TPR: variants seen among roughly 807,000 people sequenced by gnomAD.
The protein encoded by TPR is translocated promoter region, nuclear basket protein.
A neutral mutation model predicts 316.1 loss-of-function variants in TPR; 51 were observed. The ratio of observed to expected loss-of-function variants is 0.16; its 90% CI spans 0.13 to 0.20. TPR has a LOEUF of 0.20. TPR is among the 10% of genes least tolerant of loss of function. TPR has a pLI of 1.00. For missense variants in TPR, 2,272 were observed against 2,754.8 expected (o/e 0.82, Z 3.92); for synonymous variants, 981 against 914.7 (o/e 1.07, Z -1.31).
chr1:186,314,782 A>G, intron 49 of TPR, 58 bp from the exon 50 acceptor site: 1 of 1,145,546 alleles, frequency 8.7e-7, no homozygotes, highest in Non-Finnish European at 1.3e-6. Context: ...AGCATTTATA[A>G]TGATACAAAC....
At chr1:186,351,576 G>A (rs568447519) in intron 19 of TPR, 106 bp from the exon 20 acceptor site, 127 of 1,228,762 alleles carry the variant, frequency 1.0e-4, no homozygotes, top group Non-Finnish European at 1.2e-4. Context: ...ATTTCTACAT[G>A]AAGCAGCTAA....
At chr1:186,331,133 A>G (rs1452623733) in intron 39 of TPR, among the ~76,000 whole-genome samples, 1 of 152,084 alleles carries the variant, frequency 6.6e-6, no homozygotes, top group Non-Finnish European at 1.5e-5. Context: ...TGTAAGGGAA[A>G]TAATACAGGG....
At chr1:186,348,489 T>C (rs1397244122) in intron 21 of TPR, among the ~76,000 whole-genome samples, 3 of 152,058 alleles carry the variant, frequency 2.0e-5, no homozygotes, top group Middle Eastern at 3.2e-3. Context: ...CTTTTGCCCT[T>C]TGCCCTGTGA....
At chr1:186,343,166 CACTAT>C in intron 27 of TPR, 155 bp downstream of exon 27, 1 of 876,830 alleles carries the variant, frequency 1.1e-6, no homozygotes, top group Non-Finnish European at 1.6e-6. Context: ...TACTTTTAAG[CACTAT>C]ACTATATTAG....
Position 186,362,963 on chromosome 1 carries a change from T to C in TPR, c.570A>G (p.Leu190=), listed in dbSNP as rs1274270632. 3 of 1,606,176 alleles carry C rather than the reference T, an allele frequency of 1.9e-6. No homozygotes were observed. Among genetic ancestry groups the C allele is most frequent in the African/African-American group, 1.3e-5 (1 of 74,474 alleles). The change falls in exon 6 of 51, where the codon CTA becomes CTG. Residue 190 remains leucine (L), a synonymous_variant. Transcript: ENST00000367478. ...TATTCAGCCATGTATTCTGACTATG[T>C]AGCAATTCCTTTTCTTGCTCCAAGC... is the stretch of plus-strand genomic sequence containing the variant. ...EKRLEQEKEL[L]HSQNTWLNTE... is the part of the protein sequence containing the mutation.
chr1:186,357,467 G>A lies in TPR; in HGVS notation c.1654C>T (p.Arg552Cys), dbSNP rs373572751. The change falls in exon 14 of 51, where the codon CGT (arginine) becomes TGT (cysteine). Residue 552 changes from arginine (R) to cysteine (C), a missense_variant. Physicochemically the swap from Arg to Cys is radical, Grantham distance 180. Transcript: ENST00000367478. ...NIEELQQQNQRLLVALRELGE... is the reference protein window; with the variant it reads ...NIEELQQQNQCLLVALRELGE... ...AGCTCTCTAAGGGCCACTAAGAGAC[G>A]TTGATTTTGTTGTTGAAGCTCTTCA... 96 of 1,613,850 alleles carry A rather than the reference G, an allele frequency of 5.9e-5. No homozygotes were observed. The highest frequency in any genetic ancestry group is 7.8e-5 in the Non-Finnish European group (92 of 1,180,016).
rs775336228 is a variant in TPR, at chr1:186,359,872, C to T, written c.1316G>A (p.Arg439His). The change falls in exon 12 of 51, where the codon CGC (arginine) becomes CAC (histidine). Residue 439 changes from arginine (R) to histidine (H), a missense_variant. Physicochemically the swap from Arg to His is conservative, Grantham distance 29. Around this residue, in one of 10 missense-constraint regions of TPR, gnomAD observed 549 missense variants for 598.6 expected, o/e 0.92. Coordinates refer to ENST00000367478, the MANE Select transcript of TPR (RefSeq NM_003292.3). ...TGCACGTTCATATTCCTCACGCTGG[C>T]GTTTCAAAATTGGTGCTTTGGCTTC... is the stretch of plus-strand genomic sequence containing the variant. ...EVEAKAPILK[R>H]QREEYERAQK... 9.3e-6 allele frequency: 15 copies of T among 1,604,566 alleles called. No homozygotes were observed. The highest frequency in any genetic ancestry group is 1.1e-5 in the South Asian group (1 of 88,822).
chr1:186,350,934 A>C (rs1262002056), intron 20 of TPR, among the ~76,000 whole-genome samples: 1 of 152,078 alleles, frequency 6.6e-6, no homozygotes, highest in Non-Finnish European at 1.5e-5. Flanking sequence ...TTCTGCAGCC[A>C]GACTAAAAAA....
intron 48 of TPR, 72 bp downstream of exon 48, chr1:186,318,375 T>C: frequency 6.6e-7 from 1 of 1,518,304 alleles, no homozygotes; most frequent in Non-Finnish European, 8.8e-7. Flanking sequence ...AGATTGTTTC[T>C]TGGCTAAAGG....
chr1:186,342,009 G>T (rs538939225), intron 27 of TPR: 2 of 150,460 alleles, frequency 1.3e-5, no homozygotes, highest in African/African-American at 2.5e-5. Flanking sequence ...TCGCTCTGTC[G>T]CCCAGACTGG....
chr1:186,373,335 T>C, intron 2 of TPR, 24 bp downstream of exon 2: 2 of 1,565,868 alleles, frequency 1.3e-6, no homozygotes, highest in Non-Finnish European at 1.8e-6. Context: ...CGAGAATACT[T>C]ACAAAGATGA....
In TPR at chr1:186,336,665, T is replaced by C. The variant is rs1658348436; in HGVS notation, c.4536A>G (p.Arg1512=). 1 of 1,613,540 alleles carries C rather than the reference T, an allele frequency of 6.2e-7. No individual in the cohort carries two copies. The highest frequency in any genetic ancestry group is 1.3e-5 in the African/African-American group (1 of 74,914). The change falls in exon 33 of 51, where the codon AGA becomes AGG. Residue 1512 remains arginine, a synonymous_variant. Transcript: ENST00000367478. The stretch of plus-strand genomic sequence containing the variant: ...GTTGCACAGTCTGTTCCTGGAGATT[T>C]CTTGCTTCTGTCTCTTTTTCAGATA... The part of the protein sequence containing the change: ...KTLSEKETEA[R]NLQEQTVQLQ...
In TPR at chr1:186,355,311, A is replaced by G. The variant is rs1434107658; in HGVS notation, c.2171+99T>C. Reference sequence around the variant, plus strand: ...CTCATTCTGGAACACAGTTCACAAAAAAAGCAACACTATTGCAAATTAGCT... The same window carrying G: ...CTCATTCTGGAACACAGTTCACAAAGAAAGCAACACTATTGCAAATTAGCT... On this transcript the variant is annotated intron_variant, in intron 17 of 50. Coordinates refer to ENST00000367478, the MANE Select transcript of TPR (RefSeq NM_003292.3). 21 of 1,321,630 alleles carry G rather than the reference A, an allele frequency of 1.6e-5. No individual in the cohort carries two copies. In the East Asian group the frequency reaches 4.9e-4, roughly 31 times the overall value. 81.9% of individuals were successfully genotyped at this position (1,321,630 alleles called of 1,614,324 possible).
At chr1:186,330,616 T>C (rs983680181) in intron 39 of TPR, among the ~76,000 whole-genome samples, 2 of 152,112 alleles carry the variant, frequency 1.3e-5, no homozygotes, top group Non-Finnish European at 2.9e-5. Context: ...TGAATATGCA[T>C]GACTCTATTG....
chr1:186,335,565 TATATTA>T, intron 33 of TPR, 22 bp from the exon 34 acceptor site: 1 of 1,533,336 alleles, frequency 6.5e-7, no homozygotes, highest in African/African-American at 1.4e-5. Context: ...ACCAGGCGAT[TATATTA>T]ATATTATAAT....
At chr1:186,350,846 C>G (rs1014143303) in intron 20 of TPR, among the ~76,000 whole-genome samples, 1 of 152,156 alleles carries the variant, frequency 6.6e-6, no homozygotes, top group Non-Finnish European at 1.5e-5. Context: ...GAGCTTACCC[C>G]AGACAGGGGA....
rs2101974042 is a variant in TPR, at chr1:186,350,320, T to C, written c.2679A>G (p.Leu893=). 6.2e-7 allele frequency: 1 copy of C among 1,613,748 alleles called. No individual in the cohort carries two copies. The highest frequency in any genetic ancestry group is 1.1e-5 in the South Asian group (1 of 91,046). Residue 893 remains leucine, a synonymous_variant, in exon 21 of 51, where the codon CTA becomes CTG. Coordinates refer to ENST00000367478, the MANE Select transcript of TPR (RefSeq NM_003292.3). The part of the protein sequence containing the change: ...ETNLHLNTKE[L]LKNAQKEIAT... ...CAATTTCTTTTTGAGCATTTTTTAA[T>C]AGTTCTTTTGTGTTAAGATGAAGAT...
At position 186,338,013 on chromosome 1, in the gene TPR, G is replaced by T. The variant is rs1455273343; in HGVS notation, c.4362+20C>A. 6.5e-7 allele frequency: 1 copy of T among 1,537,562 alleles called. No individual in the cohort carries two copies. On this transcript the variant is annotated intron_variant, in intron 31 of 50. Coordinates refer to ENST00000367478, the MANE Select transcript of TPR (RefSeq NM_003292.3). ...CATTCATCCTAGTTTTTTTTTGTAA[G>T]ATAAGTTTCTTCAAAATACCTTATC...
chr1:186,337,345 CTG>C (rs1658370501), intron 31 of TPR, among the ~76,000 whole-genome samples, 189 bp from the exon 32 acceptor site: 1 of 152,080 alleles, frequency 6.6e-6, no homozygotes, highest in Non-Finnish European at 1.5e-5. Flanking sequence ...TTCCACATAA[CTG>C]AATACTAAAC....
Sources: allele counts gnomAD v4.1 joint callset (sites outside exome capture counted in the v4.1 genomes callset), GRCh38; gene constraint gnomAD v4.1.1; regional missense constraint gnomAD v4.1.1; transcripts MANE v1.5; gene names NCBI Gene and HGNC (gene_info 2026-07-23, HGNC 2026-07-21).